SSR1: variants seen among roughly 807,000 people sequenced by gnomAD.
The protein encoded by SSR1 is signal sequence receptor subunit 1.
In SSR1, 13 loss-of-function variants were observed where a neutral mutation model predicts 36.1. That is an observed-to-expected ratio of 0.36 (90% confidence interval 0.23 to 0.57). The LOEUF is 0.57. SSR1 is among the 20% of genes least tolerant of loss of function. The pLI, the probability that SSR1 is intolerant of heterozygous loss-of-function variation, is 0.81. For missense variants in SSR1, 291 were observed against 338.5 expected (o/e 0.86, Z 1.10); for synonymous variants, 113 against 118.9 (o/e 0.95, Z 0.32).
intron 6 of SSR1, chr6:7,297,185 C>A (rs1368961508): frequency 4.5e-6 from 1 of 219,954 alleles, no homozygotes; most frequent in Admixed American, 5.8e-5. Flanking sequence ...TGCCACTGCA[C>A]TCCATCCTGG....
rs1232808379 is a variant in SSR1, at chr6:7,286,692, A to G, written c.*3172T>C. On this transcript the variant is annotated 3_prime_UTR_variant, in exon 8 of 8. Transcript: ENST00000244763. ...TTTGGGAGGCCAAGGCAGGCGTATC[A>G]CCTGTGGTCAGGAGTTCAAGACCAG... 1 of 152,152 alleles carries G rather than the reference A, an allele frequency of 6.6e-6. No homozygotes were observed. Among genetic ancestry groups the G allele is most frequent in the Non-Finnish European group, 1.5e-5 (1 of 68,038 alleles). 9.4% of individuals were successfully genotyped at this position (152,152 alleles called of 1,614,324 possible).
intron 6 of SSR1, among the ~76,000 whole-genome samples, chr6:7,296,532 C>T (rs1164656122): frequency 6.6e-6 from 1 of 152,058 alleles, no homozygotes; most frequent in Non-Finnish European, 1.5e-5. Flanking sequence ...AATAAATAAT[C>T]GCCAAAATGA....
chr6:7,306,828 C>A (rs368365324), intron 2 of SSR1, among the ~76,000 whole-genome samples: 1,866 of 147,962 alleles, frequency 0.013, 19 homozygotes, highest in Non-Finnish European at 0.018. Flanking sequence ...AGGCAGGAGA[C>A]TGGCGTGAAC....
At chr6:7,309,219 C>T (rs1484195087) in intron 2 of SSR1, among the ~76,000 whole-genome samples, 4 of 152,192 alleles carry the variant, frequency 2.6e-5, no homozygotes, top group African/African-American at 9.7e-5. Flanking sequence ...CCTTCAGAGT[C>T]CGAGGCATGA....
chr6:7,295,029 T>A, intron 7 of SSR1: 2 of 1,414,634 alleles, frequency 1.4e-6, no homozygotes, highest in Non-Finnish European at 1.9e-6. Flanking sequence ...AATATTTACG[T>A]GCTATTTGAG....
Position 7,298,783 on chromosome 6 carries a change from G to T in SSR1, c.584C>A (p.Thr195Lys), listed in dbSNP as rs1206900820. 1.3e-5 allele frequency: 21 copies of T among 1,613,260 alleles called. No individual in the cohort carries two copies. Among genetic ancestry groups the T allele is most frequent in the Admixed American group, 1.7e-5 (1 of 60,014 alleles). The change falls in exon 5 of 8, where the codon ACA (threonine) becomes AAA (lysine). Residue 195 changes from threonine (T) to lysine (K), a missense_variant. Thr to Lys is a moderately conservative substitution (Grantham distance 78). Coordinates refer to ENST00000244763, the MANE Select transcript of SSR1 (RefSeq NM_003144.5). The part of the protein sequence containing the change: ...FQDAVFNQTV[T>K]VIEREDGLDG... ...TAACCCATCCTCTCTTTCAATAACT[G>T]TAACTGTTTGATTGAAGACTGCATC...
chr6:7,299,238 A>G (rs1017824116), intron 4 of SSR1, among the ~76,000 whole-genome samples: 1 of 152,232 alleles, frequency 6.6e-6, no homozygotes, highest in African/African-American at 2.4e-5. Flanking sequence ...AATAAAAATG[A>G]GATAAAACGT....
intron 3 of SSR1, among the ~76,000 whole-genome samples, chr6:7,301,968 A>T (rs1270016791): frequency 2.0e-5 from 3 of 152,200 alleles, no homozygotes; most frequent in African/African-American, 7.2e-5. Context: ...GAAAAGATAA[A>T]GTCCAAGAGT....
chr6:7,302,541 G>A (rs1445602083), intron 3 of SSR1, among the ~76,000 whole-genome samples: 4 of 152,100 alleles, frequency 2.6e-5, no homozygotes, highest in Non-Finnish European at 1.5e-5. Context: ...AGAGGCGGGC[G>A]GATCATGAGG....
At chr6:7,307,543 T>G (rs187753599) in intron 2 of SSR1, among the ~76,000 whole-genome samples, 369 of 152,274 alleles carry the variant, frequency 2.4e-3, no homozygotes, top group Non-Finnish European at 3.9e-3. Context: ...CTCTACTTAT[T>G]TATTTAATTT....
intron 7 of SSR1, among the ~76,000 whole-genome samples, chr6:7,290,738 G>C (rs1203437273): frequency 1.3e-5 from 2 of 150,960 alleles, no homozygotes; most frequent in Non-Finnish European, 1.5e-5. Context: ...ATTTTTTCCA[G>C]TTAAAAAAAG....
chr6:7,304,411 T>A (rs1758007125), intron 2 of SSR1, among the ~76,000 whole-genome samples: 1 of 152,172 alleles, frequency 6.6e-6, no homozygotes, highest in African/African-American at 2.4e-5. Context: ...TGCAACCACA[T>A]TATGCCCACC....
At chr6:7,309,840 G>T (rs548362593) in intron 2 of SSR1, 77 bp downstream of exon 2, 2 of 1,186,468 alleles carry the variant, frequency 1.7e-6, no homozygotes, top group Non-Finnish European at 2.5e-6. Flanking sequence ...TCTTGGGTAT[G>T]TCTTTATTAG....
chr6:7,307,164 T>C (rs1469861341), intron 2 of SSR1, among the ~76,000 whole-genome samples: 1 of 152,096 alleles, frequency 6.6e-6, no homozygotes, highest in Non-Finnish European at 1.5e-5. Context: ...ACAGCAGCAG[T>C]AGGTGAACTT....
rs959454054 is a variant in SSR1 at position 7,286,061 on chromosome 6, A to G, written c.*3803T>C. On this transcript the variant is annotated 3_prime_UTR_variant, in exon 8 of 8. Transcript: ENST00000244763. Reference sequence around the variant, plus strand: ...CTTAAATTCAGGTTTTGTCTATTCCATCTACAAAATGGGAACAGTATCACC... The same window carrying G: ...CTTAAATTCAGGTTTTGTCTATTCCGTCTACAAAATGGGAACAGTATCACC... 12 of 152,172 alleles carry G rather than the reference A, an allele frequency of 7.9e-5. No individual in the cohort carries two copies. Among genetic ancestry groups the G allele is most frequent in the African/African-American group, 2.2e-4 (9 of 41,434 alleles). 9.4% of individuals were successfully genotyped at this position (152,172 alleles called of 1,614,324 possible).
At chr6:7,309,691 C>T (rs1758145502) in intron 2 of SSR1, among the ~76,000 whole-genome samples, 1 of 152,174 alleles carries the variant, frequency 6.6e-6, no homozygotes, top group African/African-American at 2.4e-5. Flanking sequence ...ACCCTTTGCT[C>T]TGCACTTCTC....
chr6:7,290,318 A>G (rs1757654167), intron 7 of SSR1, among the ~76,000 whole-genome samples: 1 of 152,254 alleles, frequency 6.6e-6, no homozygotes, highest in South Asian at 2.1e-4. Context: ...TAATTTTTCA[A>G]TTTCATAAAT....
chr6:7,287,262 A>C lies in SSR1; in HGVS notation c.*2602T>G, dbSNP rs1241408780. The C allele has an allele frequency of 1.3e-5, 2 of 152,218 alleles. No individual in the cohort carries two copies. Among genetic ancestry groups the C allele is most frequent in the Admixed American group, 6.5e-5 (1 of 15,278 alleles). 9.4% of individuals were successfully genotyped at this position (152,218 alleles called of 1,614,324 possible). A position where few individuals can be genotyped will look rare whatever the true frequency, so the allele number is the denominator to read the frequency against. On this transcript the variant is annotated 3_prime_UTR_variant, in exon 8 of 8. Coordinates refer to ENST00000244763, the MANE Select transcript of SSR1 (RefSeq NM_003144.5). Reference sequence around the variant, plus strand: ...CTTCTCCCCAGCACAGCCATGATACAGTTCTAGGCTGATGTGCCACAAATG... The same window carrying C: ...CTTCTCCCCAGCACAGCCATGATACCGTTCTAGGCTGATGTGCCACAAATG...
chr6:7,306,760 C>CA lies in SSR1; in HGVS notation c.193-3124dup, dbSNP rs1293415413. On this transcript the variant is annotated intron_variant, in intron 2 of 7. Coordinates refer to ENST00000244763, the MANE Select transcript of SSR1 (RefSeq NM_003144.5). Reference sequence around the variant, plus strand: ...TGAAACCCCGTCTCTACTAAAAATACAAAAAATTAGCCGGGTGTGGTGGCG... The same window carrying CA: ...TGAAACCCCGTCTCTACTAAAAATACAAAAAAATTAGCCGGGTGTGGTGGCG... Among the ~76,000 whole-genome samples, 20 of 151,620 alleles carry CA rather than the reference C, an allele frequency of 1.3e-4. 1 individual carries two copies. Among genetic ancestry groups the CA allele is most frequent in the Middle Eastern group, 6.8e-3 (2 of 292 alleles).
Sources: allele counts gnomAD v4.1 joint callset (sites outside exome capture counted in the v4.1 genomes callset), GRCh38; gene constraint gnomAD v4.1.1; transcripts MANE v1.5; gene names NCBI Gene and HGNC (gene_info 2026-07-23, HGNC 2026-07-21).